Variants in AHSG observed in about 807,000 individuals in gnomAD.
The protein encoded by AHSG is alpha-2-HS-glycoprotein.
Under a neutral mutation model 30.1 loss-of-function variants are expected in AHSG, and 23 were observed. The ratio of observed to expected loss-of-function variants is 0.76; its 90% CI spans 0.55 to 1.08. AHSG has a LOEUF of 1.08. Ranked by LOEUF, AHSG falls within the 50% of genes least tolerant of loss-of-function variation. The pLI, the probability that AHSG is intolerant of heterozygous loss-of-function variation, is 0.00. For synonymous variants in AHSG, 164 were observed against 186.3 expected (o/e 0.88, Z 0.98); for missense variants, 469 against 459.5 (o/e 1.02, Z -0.19).
At chr3:186,614,356 T>C (rs1443035561) in intron 1 of AHSG, among the ~76,000 whole-genome samples, 2 of 152,206 alleles carry the variant, frequency 1.3e-5, no homozygotes, top group African/African-American at 4.8e-5. Flanking sequence ...TATTGGCCGT[T>C]TTAATGGTTC....
At chr3:186,619,813 A>G (rs541740551) in intron 5 of AHSG, 44 bp from the exon 6 acceptor site, 7 of 1,518,050 alleles carry the variant, frequency 4.6e-6, no homozygotes, top group Non-Finnish European at 6.3e-6. Flanking sequence ...GGGGGGATCC[A>G]TTTTTGAAAT....
At chr3:186,617,970 A>T in intron 4 of AHSG, 1 of 162,480 alleles carries the variant, frequency 6.2e-6, no homozygotes, top group Non-Finnish European at 1.4e-5. Context: ...TGTGATTCTC[A>T]GAACATCCCC....
chr3:186,616,575 G>A (rs1716312014), intron 3 of AHSG, 48 bp downstream of exon 3: 4 of 1,461,144 alleles, frequency 2.7e-6, no homozygotes, highest in Admixed American at 3.8e-5. Flanking sequence ...AGAGAAAGTG[G>A]GGAAGGGATC....
chr3:186,617,305 C>A lies in AHSG; in HGVS notation c.528C>A (p.Asn176Lys). The A allele has an allele frequency of 5.6e-6, 9 of 1,614,228 alleles. No individual in the cohort carries two copies. Among genetic ancestry groups the A allele is most frequent in the Non-Finnish European group, 6.8e-6 (8 of 1,180,042 alleles). Residue 176 changes from asparagine to lysine, a missense_variant, in exon 4 of 7, where the codon AAC (asparagine) becomes AAA (lysine). Coordinates refer to ENST00000411641, the MANE Select transcript of AHSG (RefSeq NM_001622.4). ...AALAAFNAQN[N>K]GSNFQLEEIS... is the part of the protein sequence containing the mutation. Reference sequence around the variant, plus strand: ...TGGCCGCCTTCAACGCTCAGAACAACGGCTCCAATTTTCAGCTGGAGGAAA... The same window carrying A: ...TGGCCGCCTTCAACGCTCAGAACAAAGGCTCCAATTTTCAGCTGGAGGAAA...
At position 186,620,857 on chromosome 3, in the gene AHSG, A is replaced by T; in HGVS notation, c.1031A>T (p.Gln344Leu). The change falls in exon 7 of 7, where the codon CAG becomes CTG. Residue 344 changes from glutamine (Q) to leucine (L), a missense_variant. By Grantham distance (113) the Gln-to-Leu change is moderately radical (BLOSUM62 -2). Coordinates refer to ENST00000411641, the MANE Select transcript of AHSG (RefSeq NM_001622.4). Reference sequence around the variant, plus strand: ...CCCCGGAAAACACGCACAGTGGTGCAGCCTAGTGTTGGTGCTGCTGCTGGG... The same window carrying T: ...CCCCGGAAAACACGCACAGTGGTGCTGCCTAGTGTTGGTGCTGCTGCTGGG... ...SHPRKTRTVV[Q>L]PSVGAAAGPV... The T allele has an allele frequency of 6.2e-7, 1 of 1,614,182 alleles. No individual in the cohort carries two copies. The highest frequency in any genetic ancestry group is 8.5e-7 in the Non-Finnish European group (1 of 1,180,038).
At position 186,620,857 on chromosome 3, in the gene AHSG, A is replaced by C. The variant is rs1183232012; in HGVS notation, c.1031A>C (p.Gln344Pro). Residue 344 changes from glutamine (Q) to proline (P), a missense_variant, in exon 7 of 7, where the codon CAG becomes CCG. Gln to Pro is a moderately conservative substitution (Grantham distance 76). Coordinates refer to ENST00000411641, the MANE Select transcript of AHSG (RefSeq NM_001622.4). ...CCCCGGAAAACACGCACAGTGGTGC[A>C]GCCTAGTGTTGGTGCTGCTGCTGGG... The part of the protein sequence containing the change: ...SHPRKTRTVV[Q>P]PSVGAAAGPV... 1 of 1,614,182 alleles carries C rather than the reference A, an allele frequency of 6.2e-7. No individual in the cohort carries two copies. Among genetic ancestry groups the C allele is most frequent in the East Asian group, 2.2e-5 (1 of 44,882 alleles).
Position 186,616,484 on chromosome 3 carries a change from T to C in AHSG, c.366T>C (p.Asp122=). The change falls in exon 3 of 7, where the codon GAT becomes GAC. Residue 122 remains aspartate, a synonymous_variant. Coordinates refer to ENST00000411641, the MANE Select transcript of AHSG (RefSeq NM_001622.4). Reference sequence around the variant, plus strand: ...GTGATTTCCAGCTGTTGAAACTAGATGGCAAGTTTTCCGTGGTATACGCAA... The same window carrying C: ...GTGATTTCCAGCTGTTGAAACTAGACGGCAAGTTTTCCGTGGTATACGCAA... ...GDCDFQLLKL[D]GKFSVVYAKC... The C allele has an allele frequency of 1.9e-6, 3 of 1,613,432 alleles. No individual in the cohort carries two copies. In the South Asian group the frequency reaches 3.3e-5, roughly 18 times the overall value.
chr3:186,619,721 T>C (rs552756633), intron 5 of AHSG, 136 bp from the exon 6 acceptor site: 1 of 635,956 alleles, frequency 1.6e-6, no homozygotes, highest in South Asian at 2.0e-5. Flanking sequence ...TATAGAATCA[T>C]ATACCTCCCA....
intron 5 of AHSG, among the ~76,000 whole-genome samples, chr3:186,618,990 A>G (rs975539851): frequency 1.3e-5 from 2 of 152,180 alleles, no homozygotes; most frequent in Non-Finnish European, 2.9e-5. Flanking sequence ...CACTTCTAGG[A>G]TTTTAGTCTA....
chr3:186,615,830 C>T (rs1446817137), intron 2 of AHSG, 35 bp downstream of exon 2: 9 of 1,553,416 alleles, frequency 5.8e-6, no homozygotes, highest in East Asian at 4.5e-5. Context: ...GTAGGTGGCC[C>T]TTCGGCCAGC....
Position 186,620,957 on chromosome 3 carries a change from T to G in AHSG, c.*27T>G. The G allele has an allele frequency of 1.3e-6, 2 of 1,591,318 alleles. No individual in the cohort carries two copies. Among genetic ancestry groups the G allele is most frequent in the Non-Finnish European group, 1.7e-6 (2 of 1,162,662 alleles). On this transcript the variant is annotated 3_prime_UTR_variant, in exon 7 of 7. Transcript: ENST00000411641. ...CTAGACATGGCAGAGATGAGGAGGT[T>G]TGGCACAGAAAACATAGCCACCATT... is the stretch of plus-strand genomic sequence containing the variant.
Position 186,616,538 on chromosome 3 carries a change from C to T in AHSG, c.409+11C>T, listed in dbSNP as rs1173402700. 1 of 1,595,128 alleles carries T rather than the reference C, an allele frequency of 6.3e-7. No individual in the cohort carries two copies. The highest frequency in any genetic ancestry group is 8.6e-7 in the Non-Finnish European group (1 of 1,167,692). ...GTGATTCCAGTCCAGGTACAGATGA[C>T]TATTCTTATTCTCATTTTTTCCTTG... On this transcript the variant is annotated intron_variant, in intron 3 of 6. Transcript: ENST00000411641.
Position 186,617,349 on chromosome 3 carries a change from T to A in AHSG, c.572T>A (p.Val191Glu). ...GAGGAAATTTCCCGGGCTCAGCTTG[T>A]GGTAAAGACTGAGATTCTTTTGACA... ...QLEEISRAQL[V>E]PLPPSTYVEF... Residue 191 changes from valine (V) to glutamate (E), a missense_variant and splice_region_variant, in exon 4 of 7, where the codon GTG (valine) becomes GAG (glutamate). By Grantham distance (121) the Val-to-Glu change is moderately radical. Coordinates refer to ENST00000411641, the MANE Select transcript of AHSG (RefSeq NM_001622.4). The A allele has an allele frequency of 6.2e-7, 1 of 1,614,162 alleles. No homozygotes were observed. The highest frequency in any genetic ancestry group is 8.5e-7 in the Non-Finnish European group (1 of 1,180,030).
chr3:186,620,957 T>C lies in AHSG; in HGVS notation c.*27T>C. 1 of 1,591,318 alleles carries C rather than the reference T, an allele frequency of 6.3e-7. No individual in the cohort carries two copies. The highest frequency in any genetic ancestry group is 8.6e-7 in the Non-Finnish European group (1 of 1,162,662). On this transcript the variant is annotated 3_prime_UTR_variant, in exon 7 of 7. Transcript: ENST00000411641. ...CTAGACATGGCAGAGATGAGGAGGTTTGGCACAGAAAACATAGCCACCATT... is the reference window on the plus strand; with the variant it reads ...CTAGACATGGCAGAGATGAGGAGGTCTGGCACAGAAAACATAGCCACCATT...
rs762612285 is a variant in AHSG at position 186,620,764 on chromosome 3, A to G, written c.938A>G (p.His313Arg). 6.2e-7 allele frequency: 1 copy of G among 1,614,136 alleles called. No individual in the cohort carries two copies. Among genetic ancestry groups the G allele is most frequent in the Admixed American group, 1.7e-5 (1 of 60,022 alleles). Residue 313 changes from histidine to arginine, a missense_variant, in exon 7 of 7, where the codon CAC becomes CGC. Physicochemically the swap from His to Arg is conservative, Grantham distance 29 (BLOSUM62 0). Transcript: ENST00000411641. ...APPGHQLHRAHYDLRHTFMGV... is the reference protein window; with the variant it reads ...APPGHQLHRARYDLRHTFMGV... ...CCAGGACACCAGTTGCACCGGGCGCACTACGACCTGCGCCACACCTTCATG... is the reference window on the plus strand; with the variant it reads ...CCAGGACACCAGTTGCACCGGGCGCGCTACGACCTGCGCCACACCTTCATG...
In AHSG at chr3:186,617,188, C is replaced by A; in HGVS notation, c.411C>A (p.Asp137Glu). The A allele has an allele frequency of 6.2e-7, 1 of 1,609,524 alleles. No individual in the cohort carries two copies. The highest frequency in any genetic ancestry group is 1.1e-5 in the South Asian group (1 of 90,582). The change falls in exon 4 of 7, where the codon GAC becomes GAA. Residue 137 changes from aspartate (D) to glutamate (E), a missense_variant and splice_region_variant. Physicochemically the swap from Asp to Glu is conservative, Grantham distance 45. Transcript: ENST00000411641. ...VVYAKCDSSP[D>E]SAEDVRKVCQ... ...TCCTGGTTTCCTCTCTCCGAGCAGACTCAGCCGAGGACGTGCGCAAGGTGT... is the reference window on the plus strand; with the variant it reads ...TCCTGGTTTCCTCTCTCCGAGCAGAATCAGCCGAGGACGTGCGCAAGGTGT...
Position 186,620,591 on chromosome 3 carries a change from G to A in AHSG, c.765G>A (p.Val255=), listed in dbSNP as rs765272023. 3 of 1,590,792 alleles carry A rather than the reference G, an allele frequency of 1.9e-6. No individual in the cohort carries two copies. The highest frequency in any genetic ancestry group is 8.6e-7 in the Non-Finnish European group (1 of 1,162,904). ...VTCMVFQTQP[V]SSQPQPEGAN... is the part of the protein sequence containing the mutation. ...GGAAATGGTCCTTTTTCCAGCCCGT[G>A]AGCTCACAGCCCCAACCAGAAGGTG... The change falls in exon 7 of 7, where the codon GTG becomes GTA. Residue 255 remains valine (V), a synonymous_variant. Coordinates refer to ENST00000411641, the MANE Select transcript of AHSG (RefSeq NM_001622.4).
In AHSG at chr3:186,621,186, T is replaced by C. The variant is rs1360749442; in HGVS notation, c.*256T>C. 4.1e-6 allele frequency: 2 copies of C among 484,210 alleles called. No individual in the cohort carries two copies. Among genetic ancestry groups the C allele is most frequent in the African/African-American group, 3.8e-5 (2 of 51,962 alleles). The allele number at this position is 484,210 out of a possible 1,614,324, so 30.0% of individuals were successfully genotyped here. On this transcript the variant is annotated 3_prime_UTR_variant, in exon 7 of 7. Transcript: ENST00000411641. Reference sequence around the variant, plus strand: ...TTGACGGTAAGCCACCATGATTGTGTTCTCTGCCTCTGGTTGACCTTACAA... The same window carrying C: ...TTGACGGTAAGCCACCATGATTGTGCTCTCTGCCTCTGGTTGACCTTACAA...
At chr3:186,616,289 T>A (rs572144518) in intron 2 of AHSG, among the ~76,000 whole-genome samples, 154 bp from the exon 3 acceptor site, 1 of 152,302 alleles carries the variant, frequency 6.6e-6, no homozygotes, top group South Asian at 2.1e-4. Context: ...TTTAACTATA[T>A]CGTTGTATCC....
Sources: gnomAD v4.1 joint callset for allele counts (sites outside exome capture counted in the v4.1 genomes callset) on GRCh38, gnomAD v4.1.1 for gene constraint, MANE v1.5 for transcripts, NCBI Gene and HGNC (gene_info 2026-07-23, HGNC 2026-07-21) for gene names.